The following ZYX variants were observed in gnomAD, a reference collection of about 807,000 sequenced individuals.
ZYX encodes zyxin-2.
ZYX carries 37 observed loss-of-function variants against 58.1 expected under a neutral mutation model. That is an observed-to-expected ratio of 0.64 (90% CI 0.49 to 0.84). The LOEUF (loss-of-function observed/expected upper bound fraction) is 0.84, where lower values mean the gene tolerates loss of function less well. Ranked by LOEUF, ZYX falls within the 40% of genes least tolerant of loss-of-function variation. The probability of loss-of-function intolerance (pLI) is 0.00; values close to 1 mark genes in which losing one functional copy is unlikely to be tolerated. For missense variants in ZYX, 762 were observed against 761.6 expected (o/e 1.00, Z -0.01); for synonymous variants, 324 against 321.1 (o/e 1.01, Z -0.10).
intron 5 of ZYX, among the ~76,000 whole-genome samples, chr7:143,385,735 C>A (rs923330960): frequency 6.9e-6 from 1 of 144,458 alleles, no homozygotes; most frequent in Non-Finnish European, 1.5e-5. Flanking sequence ...CCTCCGCCCC[C>A]CTGGCTCAAA....
intron 2 of ZYX, 119 bp from the exon 3 acceptor site, chr7:143,382,129 C>T (rs954623905): frequency 7.9e-6 from 7 of 886,310 alleles, no homozygotes; most frequent in South Asian, 7.0e-5. Context: ...CTTTGCTTCC[C>T]CACACGCTCT....
chr7:143,390,433 T>A lies in ZYX; in HGVS notation c.1615-145T>A, dbSNP rs760945098. 1.5e-6 allele frequency: 1 copy of A among 653,836 alleles called. No homozygotes were observed. Among genetic ancestry groups the A allele is most frequent in the Non-Finnish European group, 2.7e-6 (1 of 372,862 alleles). 40.5% of individuals were successfully genotyped at this position (653,836 alleles called of 1,614,324 possible). The stretch of plus-strand genomic sequence containing the variant: ...TGGAAGTAGGATAGGGATGGGGAGT[T>A]GGGTGTGGCTGGAAAAAGCGATGAC... On this transcript the variant is annotated intron_variant, in intron 9 of 9. Transcript: ENST00000322764. The surrounding 1 kb of genome is among the most constrained non-coding windows in gnomAD (Gnocchi z 4.3).
chr7:143,384,370 G>C lies in ZYX; in HGVS notation c.1023+1048G>C, dbSNP rs1018987107. 1 of 424,980 alleles carries C rather than the reference G, an allele frequency of 2.4e-6. No homozygotes were observed. The highest frequency in any genetic ancestry group is 4.9e-6 in the Non-Finnish European group (1 of 205,762). 26.3% of individuals were successfully genotyped at this position (424,980 alleles called of 1,614,324 possible). A position where few individuals can be genotyped will look rare whatever the true frequency, so the allele number is the denominator to read the frequency against. Reference sequence around the variant, plus strand: ...ATGTTTGGAGAACAGAAAGTGGAAGGTTCCTGTAGGAAAATGATAGAGCTA... The same window carrying C: ...ATGTTTGGAGAACAGAAAGTGGAAGCTTCCTGTAGGAAAATGATAGAGCTA... On this transcript the variant is annotated intron_variant, in intron 5 of 9. Coordinates refer to ENST00000322764, the MANE Select transcript of ZYX (RefSeq NM_003461.5). The surrounding 1 kb of genome is among the most constrained non-coding windows in gnomAD (Gnocchi z 4.9).
chr7:143,385,638 G>A (rs563228579), intron 5 of ZYX, among the ~76,000 whole-genome samples: 2 of 145,162 alleles, frequency 1.4e-5, no homozygotes, highest in East Asian at 2.1e-4. Context: ...AGTGGTGTGT[G>A]TGAGCGTGTG....
chr7:143,382,252 T>C lies in ZYX; in HGVS notation c.213T>C (p.Phe71=), dbSNP rs1244184527. Residue 71 remains phenylalanine (F), a synonymous_variant, in exon 3 of 10, where the codon TTT becomes TTC. Coordinates refer to ENST00000322764, the MANE Select transcript of ZYX (RefSeq NM_003461.5). Reference sequence around the variant, plus strand: ...TCTTTCTCCTTCCTACCCCAGACTTTCCCCTGCCTCCACCTCCCCTTGCTG... The same window carrying C: ...TCTTTCTCCTTCCTACCCCAGACTTCCCCCTGCCTCCACCTCCCCTTGCTG... ...GEIPPPPPED[F]PLPPPPLAGD... 6.2e-7 allele frequency: 1 copy of C among 1,612,240 alleles called. No individual in the cohort carries two copies. Among genetic ancestry groups the C allele is most frequent in the Admixed American group, 1.7e-5 (1 of 59,756 alleles).
Position 143,390,822 on chromosome 7 carries a change from C to T in ZYX, c.*140C>T. On this transcript the variant is annotated 3_prime_UTR_variant, in exon 10 of 10. Transcript: ENST00000322764. The surrounding 1 kb of genome is among the most constrained non-coding windows in gnomAD (Gnocchi z 4.3). ...ACCCCTCCCTAGCATCCCAGGTGCC[C>T]TGACCCAGGACCCAACATGGTCTAG... 4.4e-6 allele frequency: 3 copies of T among 687,204 alleles called. 1 individual carries two copies. The allele number at this position is 687,204 out of a possible 1,614,324, so 42.6% of individuals were successfully genotyped here.
chr7:143,381,512 T>C lies in ZYX; in HGVS notation c.-15-45T>C, dbSNP rs1490931319. The C allele has an allele frequency of 3.2e-6, 5 of 1,551,256 alleles. No individual in the cohort carries two copies. In the African/African-American group the frequency reaches 6.9e-5, roughly 21 times the overall value. ...AAGGGGAGCTGGGACCGCCTGGGGC[T>C]CCTGAGCCCGGCTCCGCGCTGCGTA... On this transcript the variant is annotated intron_variant, in intron 1 of 9. Coordinates refer to ENST00000322764, the MANE Select transcript of ZYX (RefSeq NM_003461.5).
chr7:143,388,975 C>T lies in ZYX; in HGVS notation c.1493+30C>T. ...GGACCTGCCACCTGCCTTCTGGGTT[C>T]CCGGCGTGCTTGGTCTGGTAGCCCG... On this transcript the variant is annotated intron_variant, in intron 8 of 9. Coordinates refer to ENST00000322764, the MANE Select transcript of ZYX (RefSeq NM_003461.5). This position sits in a 1 kb window ranked among gnomAD's most constrained non-coding sequence, Gnocchi z 7.5. The T allele has an allele frequency of 6.3e-7, 1 of 1,588,772 alleles. No individual in the cohort carries two copies. The highest frequency in any genetic ancestry group is 8.6e-7 in the Non-Finnish European group (1 of 1,166,920).
rs762814445 is a variant in ZYX, at chr7:143,388,644, G to C, written c.1300G>C (p.Glu434Gln). 1.9e-6 allele frequency: 3 copies of C among 1,613,628 alleles called. No individual in the cohort carries two copies. Among genetic ancestry groups the C allele is most frequent in the Non-Finnish European group, 2.5e-6 (3 of 1,179,910 alleles). The stretch of plus-strand genomic sequence containing the variant: ...CAGTCTGGAGGGGGCGCCGTACTGC[G>C]AGGGCTGTTACACTGTGAGTCGGGC... ...FYSLEGAPYC[E>Q]GCYTDTLEKC... Residue 434 changes from glutamate to glutamine, a missense_variant, in exon 7 of 10, where the codon GAG becomes CAG. Glu to Gln is a conservative substitution (Grantham distance 29, BLOSUM62 2). Transcript: ENST00000322764. The surrounding 1 kb of genome is among the most constrained non-coding windows in gnomAD (Gnocchi z 7.5).
At position 143,388,362 on chromosome 7, in the gene ZYX, CCCCCA is replaced by C. The variant is rs780022421; in HGVS notation, c.1144+27_1144+31del. The C allele has an allele frequency of 8.7e-6, 14 of 1,612,878 alleles. No individual in the cohort carries two copies. The highest frequency in any genetic ancestry group is 1.3e-5 in the African/African-American group (1 of 74,866). On this transcript the variant is annotated intron_variant, in intron 6 of 9. Transcript: ENST00000322764. The surrounding 1 kb of genome is among the most constrained non-coding windows in gnomAD (Gnocchi z 7.5). ...ACGGTGAGCCCACCCCACCGGGACA[CCCCCA>C]CCCTGCCCCCACATCACGGTGGGGG...
rs199792709 is a variant in ZYX at position 143,388,741 on chromosome 7, C to A, written c.1315-26C>A. 7.5e-6 allele frequency: 12 copies of A among 1,610,138 alleles called. No homozygotes were observed. The highest frequency in any genetic ancestry group is 1.0e-5 in the Non-Finnish European group (12 of 1,177,506). ...CTTGCTGTGGGGTGCCGGTTCCCTG[C>A]CAACCTCCTCCTGCTGCCTCCTCAG... On this transcript the variant is annotated intron_variant, in intron 7 of 9. Transcript: ENST00000322764. This position sits in a 1 kb window ranked among gnomAD's most constrained non-coding sequence, Gnocchi z 7.5.
At chr7:143,381,821 G>T in intron 2 of ZYX, 42 bp downstream of exon 2, 1 of 1,487,490 alleles carries the variant, frequency 6.7e-7, no homozygotes, top group Non-Finnish European at 9.0e-7. Flanking sequence ...GCAGGAGCCG[G>T]GGTGGGGGGC....
Position 143,389,935 on chromosome 7 carries a change from C to T in ZYX, c.1572C>T (p.Val524=), listed in dbSNP as rs141990584. The T allele has an allele frequency of 9.9e-6, 16 of 1,613,950 alleles. No individual in the cohort carries two copies. Among genetic ancestry groups the T allele is most frequent in the South Asian group, 2.2e-5 (2 of 91,048 alleles). Residue 524 remains valine (V), a synonymous_variant, in exon 9 of 10, where the codon GTC becomes GTT. Coordinates refer to ENST00000322764, the MANE Select transcript of ZYX (RefSeq NM_003461.5). This position sits in a 1 kb window ranked among gnomAD's most constrained non-coding sequence, Gnocchi z 5.6. ...EPGRDETVRV[V]ALDKNFHMKC... Reference sequence around the variant, plus strand: ...GCCGAGATGAGACTGTGCGAGTGGTCGCCCTGGACAAGAACTTCCACATGA... The same window carrying T: ...GCCGAGATGAGACTGTGCGAGTGGTTGCCCTGGACAAGAACTTCCACATGA...
chr7:143,388,163 G>T lies in ZYX; in HGVS notation c.1024-56G>T. On this transcript the variant is annotated intron_variant, in intron 5 of 9. Transcript: ENST00000322764. The surrounding 1 kb of genome is among the most constrained non-coding windows in gnomAD (Gnocchi z 7.5). ...GAAGAAGCCGGGTAGGCTGGCCTGG[G>T]AAGGTTCTTGGAGGCAGCAGCCCTC... is the stretch of plus-strand genomic sequence containing the variant. 3.2e-6 allele frequency: 5 copies of T among 1,541,250 alleles called. No individual in the cohort carries two copies. Among genetic ancestry groups the T allele is most frequent in the Non-Finnish European group, 4.4e-6 (5 of 1,142,694 alleles).
At chr7:143,382,469 G>A in intron 3 of ZYX, 22 bp downstream of exon 3, 4 of 1,593,358 alleles carry the variant, frequency 2.5e-6, no homozygotes, top group East Asian at 4.5e-5. Context: ...TGGGAGGGGC[G>A]GCTGCACTGG....
chr7:143,381,752 G>A lies in ZYX; in HGVS notation c.181G>A (p.Gly61Ser). The A allele has an allele frequency of 1.3e-6, 2 of 1,586,786 alleles. No individual in the cohort carries two copies. The highest frequency in any genetic ancestry group is 1.7e-6 in the Non-Finnish European group (2 of 1,166,798). The stretch of plus-strand genomic sequence containing the variant: ...CCAGCGCGCACAGATGGGCCGGGTG[G>A]GCGAGATTCCCCCGCCGCCCCCGGA... Reference protein sequence around the residue: ...GAQRAQMGRVGEIPPPPPEDF... With the variant: ...GAQRAQMGRVSEIPPPPPEDF... Residue 61 changes from glycine to serine, a missense_variant, in exon 2 of 10, where the codon GGC becomes AGC. Gly to Ser is a moderately conservative substitution (Grantham distance 56). Coordinates refer to ENST00000322764, the MANE Select transcript of ZYX (RefSeq NM_003461.5).
In ZYX at chr7:143,388,665, C is replaced by CGGGCTGTGCT. The variant is rs570358698; in HGVS notation, c.1314+32_1314+41dup. ...CTGCGAGGGCTGTTACACTGTGAGT[C>CGGGCTGTGCT]GGGCTGTGCTGGGCTGTGCTGGGCT... On this transcript the variant is annotated splice_region_variant and intron_variant, in intron 7 of 9. Transcript: ENST00000322764. This position sits in a 1 kb window ranked among gnomAD's most constrained non-coding sequence, Gnocchi z 7.5. 12,035 of 1,612,702 alleles carry CGGGCTGTGCT rather than the reference C, an allele frequency of 7.5e-3. 130 individuals are homozygous for CGGGCTGTGCT. Among genetic ancestry groups the CGGGCTGTGCT allele is most frequent in the African/African-American group, 0.034 (2,547 of 74,928 alleles).
chr7:143,388,053 G>C lies in ZYX; in HGVS notation c.1024-166G>C. 1.3e-6 allele frequency: 1 copy of C among 740,748 alleles called. No individual in the cohort carries two copies. The highest frequency in any genetic ancestry group is 2.2e-6 in the Non-Finnish European group (1 of 454,706). 45.9% of individuals were successfully genotyped at this position (740,748 alleles called of 1,614,324 possible). The stretch of plus-strand genomic sequence containing the variant: ...CCCCTGTTATTTGTGTGGTGCTGGG[G>C]ATGGCGGGGGTAGGGGGACGAGGGA... On this transcript the variant is annotated intron_variant, in intron 5 of 9. Coordinates refer to ENST00000322764, the MANE Select transcript of ZYX (RefSeq NM_003461.5). The surrounding 1 kb of genome is among the most constrained non-coding windows in gnomAD (Gnocchi z 7.5).
Position 143,382,259 on chromosome 7 carries a change from C to G in ZYX, c.220C>G (p.Pro74Ala), listed in dbSNP as rs1804641333. The part of the protein sequence containing the change: ...PPPPPEDFPL[P>A]PPPLAGDGDD... ...CCTTCCTACCCCAGACTTTCCCCTGCCTCCACCTCCCCTTGCTGGGGATGG... is the reference window on the plus strand; with the variant it reads ...CCTTCCTACCCCAGACTTTCCCCTGGCTCCACCTCCCCTTGCTGGGGATGG... Residue 74 changes from proline to alanine, a missense_variant, in exon 3 of 10, where the codon CCT becomes GCT. Transcript: ENST00000322764. 6.2e-7 allele frequency: 1 copy of G among 1,612,500 alleles called. No individual in the cohort carries two copies. Among genetic ancestry groups the G allele is most frequent in the Admixed American group, 1.7e-5 (1 of 59,792 alleles).
Sources: allele counts gnomAD v4.1 joint callset (sites outside exome capture counted in the v4.1 genomes callset), GRCh38; gene constraint gnomAD v4.1.1; non-coding constraint Gnocchi (gnomAD v3.1); transcripts MANE v1.5; gene names NCBI Gene and HGNC (gene_info 2026-07-23, HGNC 2026-07-21).